PXDN: variants seen among roughly 807,000 people sequenced by gnomAD.
The protein encoded by PXDN is peroxidasin.
In PXDN, 77 loss-of-function variants were observed where a neutral mutation model predicts 140.3. That is an observed-to-expected ratio of 0.55 (90% CI 0.46 to 0.66). PXDN has a LOEUF of 0.66. Among genes scored for constraint, PXDN ranks in the 30% least tolerant of loss-of-function variants. The pLI, the probability that PXDN is intolerant of heterozygous loss-of-function variation, is 0.00. For synonymous variants in PXDN, 911 were observed against 857.4 expected (o/e 1.06, Z -1.09); for missense variants, 1,838 against 2,039.5 (o/e 0.90, Z 1.90).
chr2:1,725,328 A>G (rs1292930840), intron 1 of PXDN, among the ~76,000 whole-genome samples: 3 of 152,206 alleles, frequency 2.0e-5, no homozygotes, highest in Non-Finnish European at 2.9e-5. Context: ...CAATGGGGAA[A>G]GGATTCCCTA....
rs200278703 is a variant in PXDN, at chr2:1,659,701, AACTTAATTTTAC to A, written c.1837+1168_1837+1179del. On this transcript the variant is annotated intron_variant, in intron 14 of 22. Transcript: ENST00000252804. ...AATCTACTGGTTTTTAAGTTTCATC[AACTTAATTTTAC>A]ACTTAATTTTACACTTAATTTTACA... is the stretch of plus-strand genomic sequence containing the variant. Among the ~76,000 whole-genome samples, 690 of 152,350 alleles carry A rather than the reference AACTTAATTTTAC, an allele frequency of 4.5e-3. 7 individuals are homozygous for A. The highest frequency in any genetic ancestry group is 0.014 in the African/African-American group (602 of 41,572).
chr2:1,728,220 G>A (rs2125487434), intron 1 of PXDN, among the ~76,000 whole-genome samples: 1 of 152,352 alleles, frequency 6.6e-6, no homozygotes, highest in Admixed American at 6.5e-5. Flanking sequence ...TTACAAGCGT[G>A]AGCCACTGCA....
intron 9 of PXDN, among the ~76,000 whole-genome samples, chr2:1,669,992 A>G (rs1056104793): frequency 3.9e-5 from 6 of 152,320 alleles, no homozygotes; most frequent in African/African-American, 1.4e-4. Context: ...TCTAGCTAGC[A>G]TAAGACTACC....
chr2:1,653,596 A>T (rs777088995), intron 16 of PXDN, 32 bp downstream of exon 16: 3 of 1,609,102 alleles, frequency 1.9e-6, no homozygotes, highest in Non-Finnish European at 2.5e-6. Context: ...TACTCAGGCC[A>T]TGGAGGAGGA....
At chr2:1,644,551 C>T (rs980591807) in intron 18 of PXDN, 67 bp downstream of exon 18, 11 of 1,464,342 alleles carry the variant, frequency 7.5e-6, no homozygotes, top group African/African-American at 5.7e-5. Flanking sequence ...CAGGACAGCT[C>T]TTCTCCTCTG....
chr2:1,684,187 A>G (rs749473470), intron 4 of PXDN, 36 bp from the exon 5 acceptor site: 2 of 1,524,864 alleles, frequency 1.3e-6, no homozygotes. Flanking sequence ...TATAACTTAC[A>G]ATTTATTTTC....
chr2:1,683,779 T>A, intron 5 of PXDN, 52 bp from the exon 6 acceptor site: 1 of 1,417,030 alleles, frequency 7.1e-7, no homozygotes, highest in Non-Finnish European at 9.7e-7. Context: ...TTTCTTAAAA[T>A]GTGTAGAAAA....
intron 17 of PXDN, among the ~76,000 whole-genome samples, chr2:1,646,977 T>C (rs111857519): frequency 0.042 from 6,438 of 152,198 alleles, 434 homozygotes; most frequent in African/African-American, 0.14. Context: ...CTCACTGCAA[T>C]ATCTGCCACC....
chr2:1,720,470 G>A (rs1162204102), intron 1 of PXDN, among the ~76,000 whole-genome samples: 2 of 151,896 alleles, frequency 1.3e-5, no homozygotes, highest in African/African-American at 4.8e-5. Flanking sequence ...GAAGGGAGGT[G>A]TATTTTAAGG....
chr2:1,720,724 T>TTTCTCTCTCTCTCTCACACA (rs1685029529), intron 1 of PXDN, among the ~76,000 whole-genome samples: 1 of 28,112 alleles, frequency 3.6e-5, no homozygotes, highest in African/African-American at 7.4e-5. Flanking sequence ...TCTCTCTCTC[T>TTTCTCTCTCTCTCTCACACA]CACACACACA....
At chr2:1,665,153 G>A (rs1004285528) in intron 10 of PXDN, 79 bp from the exon 11 acceptor site, 19 of 1,069,634 alleles carry the variant, frequency 1.8e-5, no homozygotes, top group African/African-American at 4.7e-5. Flanking sequence ...AATGACCACA[G>A]TCTTGGCAGA....
At position 1,649,207 on chromosome 2, in the gene PXDN, A is replaced by C; in HGVS notation, c.2573T>G (p.Phe858Cys). The C allele has an allele frequency of 1.5e-6, 2 of 1,302,376 alleles. No individual in the cohort carries two copies. The highest frequency in any genetic ancestry group is 2.1e-6 in the Non-Finnish European group (2 of 962,242). 80.7% of individuals were successfully genotyped at this position (1,302,376 alleles called of 1,614,324 possible). Residue 858 changes from phenylalanine to cysteine, a missense_variant, in exon 17 of 23, where the codon TTC becomes TGC. This residue lies in a region of PXDN where 850 missense variants were observed against 894.1 expected (regional missense o/e 0.95). Coordinates refer to ENST00000252804, the MANE Select transcript of PXDN (RefSeq NM_012293.3). This position sits in a 1 kb window ranked among gnomAD's most constrained non-coding sequence, Gnocchi z 7.1. ...GTCATTGGGGGGGATCATGACAGAGAAGCAGGGGGGGTCGTTGCTGCACAC... is the reference window on the plus strand; with the variant it reads ...GTCATTGGGGGGGATCATGACAGAGCAGCAGGGGGGGTCGTTGCTGCACAC... Reference protein sequence around the residue: ...SNVCSNDPPCFSVMIPPNDSR... With the variant: ...SNVCSNDPPCCSVMIPPNDSR...
rs1387447014 is a variant in PXDN, at chr2:1,635,517, T to C, written c.4211A>G (p.Lys1404Arg). The change falls in exon 22 of 23, where the codon AAG (lysine) becomes AGG (arginine). Residue 1404 changes from lysine (K) to arginine (R), a missense_variant. By Grantham distance (26) the Lys-to-Arg change is conservative (BLOSUM62 2). Around this residue, in one of 5 missense-constraint regions of PXDN, gnomAD observed 850 missense variants for 894.1 expected, o/e 0.95. Coordinates refer to ENST00000252804, the MANE Select transcript of PXDN (RefSeq NM_012293.3). ...GGTACTGAGCCGTGATTCAAGTTTC[T>C]TTATCTGCAGCAATGCAAAGAACAT... ...KTITDLRTQIKKLESRLSTTE... is the reference protein window; with the variant it reads ...KTITDLRTQIRKLESRLSTTE... 1 of 1,582,060 alleles carries C rather than the reference T, an allele frequency of 6.3e-7. No homozygotes were observed.
At chr2:1,681,529 G>A (rs754329747) in intron 6 of PXDN, among the ~76,000 whole-genome samples, 1 of 151,426 alleles carries the variant, frequency 6.6e-6, no homozygotes, top group Non-Finnish European at 1.5e-5. Flanking sequence ...GGGCGGCAGC[G>A]TGAGGGCATC....
intron 1 of PXDN, 126 bp downstream of exon 1, chr2:1,744,130 C>T: frequency 9.5e-7 from 1 of 1,053,830 alleles, no homozygotes; most frequent in Non-Finnish European, 1.2e-6. Flanking sequence ...GTCCCAAGTC[C>T]CCAGGCCCCC....
chr2:1,645,692 T>G (rs1682835987), intron 17 of PXDN, among the ~76,000 whole-genome samples: 1 of 152,232 alleles, frequency 6.6e-6, no homozygotes, highest in African/African-American at 2.4e-5. Context: ...CAGGTTGAAC[T>G]TCTAGCTCTA....
Position 1,685,203 on chromosome 2 carries a change from G to A in PXDN, c.417-1052C>T, listed in dbSNP as rs1312080745. ...CACTGAGTCTCTGCGGACACCTGCA[G>A]CCGGAGGGCCCCCAAACGCAGACCA... is the stretch of plus-strand genomic sequence containing the variant. On this transcript the variant is annotated intron_variant, in intron 4 of 22. Coordinates refer to ENST00000252804, the MANE Select transcript of PXDN (RefSeq NM_012293.3). This position sits in a 1 kb window ranked among gnomAD's most constrained non-coding sequence, Gnocchi z 5.1. Among the ~76,000 whole-genome samples the A allele has an allele frequency of 6.6e-6, 1 of 152,234 alleles. No individual in the cohort carries two copies. The highest frequency in any genetic ancestry group is 2.4e-5 in the African/African-American group (1 of 41,462).
intron 13 of PXDN, 59 bp downstream of exon 13, chr2:1,662,013 G>A: frequency 1.4e-6 from 2 of 1,447,134 alleles, no homozygotes; most frequent in Non-Finnish European, 1.9e-6. Context: ...GGTGGTGTGG[G>A]TGCCAGCCCG....
intron 9 of PXDN, among the ~76,000 whole-genome samples, chr2:1,668,684 A>T (rs566261276): frequency 6.6e-6 from 1 of 152,310 alleles, no homozygotes; most frequent in Non-Finnish European, 1.5e-5. Context: ...GTGGCCAACA[A>T]ACATATGAAA....
Sources: allele counts gnomAD v4.1 joint callset (sites outside exome capture counted in the v4.1 genomes callset), GRCh38; gene constraint gnomAD v4.1.1; regional missense constraint gnomAD v4.1.1; non-coding constraint Gnocchi (gnomAD v3.1); transcripts MANE v1.5; gene names NCBI Gene and HGNC (gene_info 2026-07-23, HGNC 2026-07-21).